Variants in CPQ observed in about 807,000 individuals in gnomAD.
The protein encoded by CPQ is Ser-Met dipeptidase.
CPQ carries 37 observed loss-of-function variants against 45.7 expected under a neutral mutation model. That is an observed-to-expected ratio of 0.81 (90% CI 0.62 to 1.07). CPQ has a LOEUF of 1.07. Ranked by LOEUF, CPQ falls within the 50% of genes least tolerant of loss-of-function variation. CPQ has a pLI of 0.00. For synonymous variants in CPQ, 186 were observed against 205.8 expected (o/e 0.90, Z 0.82); for missense variants, 537 against 572.9 (o/e 0.94, Z 0.64).
intron 3 of CPQ, among the ~76,000 whole-genome samples, chr8:96,842,389 G>GC (rs1811624542): frequency 6.6e-6 from 1 of 152,062 alleles, no homozygotes; most frequent in Non-Finnish European, 1.5e-5. Context: ...ATACCACTGG[G>GC]ACTCAAAAAC....
At chr8:96,762,949 T>C (rs774352703) in intron 1 of CPQ, among the ~76,000 whole-genome samples, 2 of 152,130 alleles carry the variant, frequency 1.3e-5, no homozygotes, top group Non-Finnish European at 2.9e-5. Flanking sequence ...GCTTAAAAAA[T>C]AGAAATATAT....
Position 96,737,786 on chromosome 8 carries a change from CTTA to C in CPQ, c.-34-47073_-34-47071del, listed in dbSNP as rs375756255. Reference sequence around the variant, plus strand: ...ATTAATTTTTCACCCTTTCTTGTTTCTTATTATAAGTATTTAAGGCTATAAATC... The same window carrying C: ...ATTAATTTTTCACCCTTTCTTGTTTCTTATAAGTATTTAAGGCTATAAATC... On this transcript the variant is annotated intron_variant, in intron 1 of 7. Coordinates refer to ENST00000220763, the MANE Select transcript of CPQ (RefSeq NM_016134.4). Among the ~76,000 whole-genome samples the C allele has an allele frequency of 4.7e-3, 720 of 152,130 alleles. 11 individuals are homozygous for C. Among genetic ancestry groups the C allele is most frequent in the African/African-American group, 0.012 (507 of 41,494 alleles).
At chr8:97,040,539 T>C (rs1363396495) in intron 6 of CPQ, among the ~76,000 whole-genome samples, 4 of 152,274 alleles carry the variant, frequency 2.6e-5, no homozygotes, top group Non-Finnish European at 5.9e-5. Flanking sequence ...TTTGGTGTTT[T>C]AGACATGAAG....
At chr8:96,854,257 C>A (rs117923241) in intron 3 of CPQ, among the ~76,000 whole-genome samples, 4,465 of 151,940 alleles carry the variant, frequency 0.029, 98 homozygotes, top group African/African-American at 0.046. Flanking sequence ...GTGGGCCGGG[C>A]GCGGTGGCTC....
chr8:96,959,614 A>G (rs1813417212), intron 4 of CPQ, among the ~76,000 whole-genome samples: 1 of 151,826 alleles, frequency 6.6e-6, no homozygotes, highest in Non-Finnish European at 1.5e-5. Context: ...TCACAGTGGG[A>G]CCTGTCTTAG....
intron 4 of CPQ, among the ~76,000 whole-genome samples, chr8:96,902,010 G>T (rs1342869630): frequency 6.6e-6 from 1 of 152,146 alleles, no homozygotes; most frequent in African/African-American, 2.4e-5. Context: ...AGACTACACA[G>T]ACCAGGACTG....
At position 96,883,877 on chromosome 8, in the gene CPQ, C is replaced by T. The variant is rs530704868; in HGVS notation, c.849+3872C>T. ...CTATTTCCTTTCTTTTCCTTTTTCC[C>T]GCCCTAATGGCTATTTCAGGAACTT... On this transcript the variant is annotated intron_variant, in intron 4 of 7. Coordinates refer to ENST00000220763, the MANE Select transcript of CPQ (RefSeq NM_016134.4). Among the ~76,000 whole-genome samples, 9 of 152,286 alleles carry T rather than the reference C, an allele frequency of 5.9e-5. No individual in the cohort carries two copies. In the South Asian group the frequency reaches 6.2e-4, roughly 11 times the overall value.
At chr8:96,685,865 C>T (rs1809220641) in intron 1 of CPQ, among the ~76,000 whole-genome samples, 1 of 152,116 alleles carries the variant, frequency 6.6e-6, no homozygotes, top group African/African-American at 2.4e-5. Context: ...CAATATCCCT[C>T]ACTTTTCCAT....
intron 1 of CPQ, among the ~76,000 whole-genome samples, chr8:96,726,613 A>T (rs769748817): frequency 2.1e-4 from 32 of 152,140 alleles, no homozygotes; most frequent in Non-Finnish European, 4.4e-4. Flanking sequence ...CACTATCTTA[A>T]GGACAGTGCC....
intron 1 of CPQ, among the ~76,000 whole-genome samples, chr8:96,681,891 G>A (rs546320871): frequency 3.0e-4 from 45 of 152,264 alleles, no homozygotes; most frequent in Admixed American, 1.7e-3. Flanking sequence ...GCTGGATTTC[G>A]GACTTGCATG....
intron 1 of CPQ, among the ~76,000 whole-genome samples, chr8:96,743,734 C>T (rs1374241749): frequency 1.3e-5 from 2 of 152,226 alleles, no homozygotes; most frequent in Non-Finnish European, 2.9e-5. Flanking sequence ...AATACCCTGC[C>T]ATGTGAGGTG....
intron 5 of CPQ, among the ~76,000 whole-genome samples, chr8:96,977,452 G>A (rs2130382837): frequency 6.6e-6 from 1 of 151,864 alleles, no homozygotes; most frequent in South Asian, 2.1e-4. Flanking sequence ...AGAACTGAAA[G>A]CAGATCTACA....
At chr8:97,065,215 G>A (rs1007145026) in intron 6 of CPQ, among the ~76,000 whole-genome samples, 8 of 151,092 alleles carry the variant, frequency 5.3e-5, no homozygotes, top group African/African-American at 2.0e-4. Flanking sequence ...GGATCTTAAA[G>A]TTGCAAGTTT....
intron 6 of CPQ, among the ~76,000 whole-genome samples, chr8:97,043,451 C>G (rs1409787535): frequency 1.3e-5 from 2 of 152,080 alleles, no homozygotes; most frequent in East Asian, 1.9e-4. Context: ...GTTTGCCAGT[C>G]TGTGTCTTTT....
At chr8:96,944,490 G>A (rs910027212) in intron 4 of CPQ, among the ~76,000 whole-genome samples, 2 of 152,034 alleles carry the variant, frequency 1.3e-5, no homozygotes, top group African/African-American at 2.4e-5. Flanking sequence ...TTTCTGAAGT[G>A]TAGCTTTGTT....
chr8:97,078,792 T>G (rs907695074), intron 7 of CPQ, among the ~76,000 whole-genome samples: 43 of 146,198 alleles, frequency 2.9e-4, no homozygotes, highest in African/African-American at 1.1e-3. Context: ...TCTCTCTCTC[T>G]CTCTCTCTCT....
chr8:96,866,250 A>C (rs1811993817), intron 3 of CPQ, among the ~76,000 whole-genome samples: 1 of 152,064 alleles, frequency 6.6e-6, no homozygotes, highest in Admixed American at 6.6e-5. Flanking sequence ...CAAACATTTA[A>C]ATTCTGGTAA....
chr8:96,769,962 A>G (rs1467798398), intron 1 of CPQ, among the ~76,000 whole-genome samples: 1 of 152,198 alleles, frequency 6.6e-6, no homozygotes, highest in Admixed American at 6.5e-5. Flanking sequence ...CCTTTTGAAC[A>G]GTAAGAATTT....
intron 2 of CPQ, among the ~76,000 whole-genome samples, chr8:96,801,137 A>G (rs1404270988): frequency 6.6e-6 from 1 of 152,008 alleles, no homozygotes. Flanking sequence ...CACAACGCCC[A>G]GCTATTTTTT....
Sources: gnomAD v4.1 joint callset for allele counts (sites outside exome capture counted in the v4.1 genomes callset) on GRCh38, gnomAD v4.1.1 for gene constraint, MANE v1.5 for transcripts, NCBI Gene and HGNC (gene_info 2026-07-23, HGNC 2026-07-21) for gene names.